Variants in DMXL2 observed in about 807,000 individuals in gnomAD.
The protein encoded by DMXL2 is Dmx like 2.
Under a neutral mutation model 331.1 loss-of-function variants are expected in DMXL2, and 103 were observed. The ratio of observed to expected loss-of-function variants is 0.31; its 90% CI spans 0.27 to 0.37. The LOEUF is 0.37. Ranked by LOEUF, DMXL2 falls within the 10% of genes least tolerant of loss-of-function variation. The pLI is 1.00. For missense variants in DMXL2, 3,171 were observed against 3,642.9 expected, an observed-to-expected ratio of 0.87 and a Z score of 3.33; for synonymous variants, 1,281 against 1,252.1, an observed-to-expected ratio of 1.02 and a Z score of -0.49.
At chr15:51,465,440 A>C (rs1311443251) in intron 31 of DMXL2, 126 bp downstream of exon 31, 2 of 744,450 alleles carry the variant, frequency 2.7e-6, no homozygotes, top group African/African-American at 1.9e-5. Flanking sequence ...AATAAACAAG[A>C]CTTTATAAAA....
rs189787727 is a variant in DMXL2 at position 51,612,204 on chromosome 15, T to C, written c.87+10255A>G. Among the ~76,000 whole-genome samples, 17 of 152,368 alleles carry C rather than the reference T, an allele frequency of 1.1e-4. No individual in the cohort carries two copies. The East Asian group carries it at 2.9e-3, about 26-fold the overall frequency. ...CTTAATTTCACGTACCAATTTAATA[T>C]ACAAGATAAATATTAATCCTACTAC... is the stretch of plus-strand genomic sequence containing the variant. On this transcript the variant is annotated intron_variant, in intron 1 of 43. Coordinates refer to ENST00000560891, the MANE Select transcript of DMXL2 (RefSeq NM_001378457.1).
At chr15:51,620,952 A>T (rs1177044081) in intron 1 of DMXL2, among the ~76,000 whole-genome samples, 1 of 152,218 alleles carries the variant, frequency 6.6e-6, no homozygotes, top group Admixed American at 6.5e-5. Context: ...AGATGGAAGC[A>T]GAAAACTACC....
Position 51,500,197 on chromosome 15 carries a change from G to A in DMXL2, c.3027C>T (p.Cys1009=). Residue 1009 remains cysteine, a synonymous_variant, in exon 18 of 44, where the codon TGC becomes TGT. Transcript: ENST00000560891. The part of the protein sequence containing the change: ...HLSSSSIYPV[C]LAPYLVVTTC... ...TTGTAACCACTAAATAAGGTGCAAG[G>A]CACACTGGATAAATTGAAGAAGAAC... is the stretch of plus-strand genomic sequence containing the variant. 6.2e-7 allele frequency: 1 copy of A among 1,611,638 alleles called. No homozygotes were observed. Among genetic ancestry groups the A allele is most frequent in the Non-Finnish European group, 8.5e-7 (1 of 1,179,088 alleles).
intron 1 of DMXL2, among the ~76,000 whole-genome samples, chr15:51,581,125 G>T (rs1479744115): frequency 6.6e-6 from 1 of 152,162 alleles, no homozygotes; most frequent in East Asian, 1.9e-4. Context: ...CCTCACAGCA[G>T]GAGGTGAGCA....
At chr15:51,453,080 G>A (rs4774590) in intron 41 of DMXL2, among the ~76,000 whole-genome samples, 56,123 of 151,826 alleles carry the variant, frequency 0.37, 10,690 homozygotes, top group East Asian at 0.42. Context: ...GACTCTGGGG[G>A]CTTGGGAGGG....
Position 51,511,614 on chromosome 15 carries a change from T to C in DMXL2, c.2644+2828A>G, listed in dbSNP as rs548103540. On this transcript the variant is annotated intron_variant, in intron 15 of 43. Transcript: ENST00000560891. ...GTGGGAGTATAAATTAGTTCAACCA[T>C]TGTGGAAGACAGTGTGGCAATTCCT... 5.3e-5 allele frequency among the ~76,000 whole-genome samples: 8 copies of C among 152,298 alleles called. No individual in the cohort carries two copies. The South Asian group carries it at 1.7e-3, about 32-fold the overall frequency.
At chr15:51,509,206 C>G (rs74906849) in intron 15 of DMXL2, among the ~76,000 whole-genome samples, 1 of 151,092 alleles carries the variant, frequency 6.6e-6, no homozygotes, top group Admixed American at 6.6e-5. Context: ...AAAAAAAAAA[C>G]TTGCTCTAGA....
chr15:51,544,295 T>C (rs995693285), intron 8 of DMXL2, among the ~76,000 whole-genome samples: 7 of 152,092 alleles, frequency 4.6e-5, no homozygotes, highest in Non-Finnish European at 8.8e-5. Context: ...CTCATAAGAT[T>C]TGGTCATTTA....
intron 17 of DMXL2, among the ~76,000 whole-genome samples, chr15:51,501,246 T>C (rs1567035861): frequency 1.3e-5 from 2 of 152,130 alleles, no homozygotes; most frequent in Admixed American, 6.5e-5. Context: ...ATACTGAATA[T>C]CATTCACCAG....
intron 23 of DMXL2, among the ~76,000 whole-genome samples, chr15:51,485,718 T>A (rs960754951): frequency 2.0e-5 from 3 of 152,110 alleles, no homozygotes; most frequent in Non-Finnish European, 4.4e-5. Flanking sequence ...CTAAATTATT[T>A]AGGATAACAA....
intron 15 of DMXL2, among the ~76,000 whole-genome samples, chr15:51,512,841 G>A (rs921488544): frequency 1.8e-4 from 27 of 151,796 alleles, no homozygotes; most frequent in Middle Eastern, 3.4e-3. Context: ...AATTCGGGGG[G>A]AAAAGGAAAA....
intron 1 of DMXL2, among the ~76,000 whole-genome samples, chr15:51,604,865 A>T (rs1008745930): frequency 1.3e-5 from 2 of 152,234 alleles, no homozygotes; most frequent in Non-Finnish European, 2.9e-5. Flanking sequence ...AATAATCAAG[A>T]CAGTGGTATT....
chr15:51,568,764 T>C (rs1233915563), intron 2 of DMXL2, among the ~76,000 whole-genome samples: 2 of 152,100 alleles, frequency 1.3e-5, no homozygotes, highest in African/African-American at 4.8e-5. Flanking sequence ...ATTTTACATA[T>C]CATATACAAG....
At chr15:51,459,253 C>T (rs78968430) in intron 34 of DMXL2, 1,999 of 187,096 alleles carry the variant, frequency 0.011, 19 homozygotes, top group Non-Finnish European at 0.017. Context: ...AGGGATACTT[C>T]GAAAGGAATA....
chr15:51,490,992 C>A (rs1201587770), intron 20 of DMXL2, among the ~76,000 whole-genome samples: 1 of 152,128 alleles, frequency 6.6e-6, no homozygotes, highest in African/African-American at 2.4e-5. Context: ...TTAGATTTTT[C>A]CATTTTCTTA....
chr15:51,466,246 T>TTCA lies in DMXL2; in HGVS notation c.7455_7457dup (p.Asp2485dup). 1 of 1,575,874 alleles carries TTCA rather than the reference T, an allele frequency of 6.3e-7. No homozygotes were observed. The highest frequency in any genetic ancestry group is 8.6e-7 in the Non-Finnish European group (1 of 1,163,514). ...TATCTGAAAAAAAGGCATCATCTTCTTCATCACTATGAATGCTTTCATCAG... is the reference window on the plus strand; with the variant it reads ...TATCTGAAAAAAAGGCATCATCTTCTTCATCATCACTATGAATGCTTTCATCAG... On this transcript the variant is annotated inframe_insertion, in exon 30 of 44. Coordinates refer to ENST00000560891, the MANE Select transcript of DMXL2 (RefSeq NM_001378457.1).
At chr15:51,605,861 T>C (rs9944241) in intron 1 of DMXL2, among the ~76,000 whole-genome samples, 1,366 of 47,562 alleles carry the variant, frequency 0.029, 165 homozygotes, top group African/African-American at 0.036. Flanking sequence ...ATATTCTTAA[T>C]GAACATAGAT....
chr15:51,546,468 T>C (rs1408201923), intron 7 of DMXL2, among the ~76,000 whole-genome samples: 1 of 152,116 alleles, frequency 6.6e-6, no homozygotes, highest in Non-Finnish European at 1.5e-5. Context: ...CTACAATGTG[T>C]GCTATATTTC....
Position 51,456,131 on chromosome 15 carries a change from C to G in DMXL2, c.8461G>C (p.Val2821Leu). 6.2e-7 allele frequency: 1 copy of G among 1,614,170 alleles called. No homozygotes were observed. Among genetic ancestry groups the G allele is most frequent in the East Asian group, 2.2e-5 (1 of 44,882 alleles). ...GCATTGCCAGCTTGACGAAAGCAGA[C>G]AAGTTGCTGAGGCCGCGTCCATTCA... ...MFEWTRPQQLVCFRQAGNARV... is the reference protein window; with the variant it reads ...MFEWTRPQQLLCFRQAGNARV... The change falls in exon 39 of 44, where the codon GTC becomes CTC. Residue 2821 changes from valine to leucine, a missense_variant. Around this residue, in one of 7 missense-constraint regions of DMXL2, gnomAD observed 766 missense variants for 940.5 expected, o/e 0.81. Coordinates refer to ENST00000560891, the MANE Select transcript of DMXL2 (RefSeq NM_001378457.1).
Sources: gnomAD v4.1 joint callset for allele counts (sites outside exome capture counted in the v4.1 genomes callset) on GRCh38, gnomAD v4.1.1 for gene constraint, gnomAD v4.1.1 regional missense constraint, MANE v1.5 for transcripts, NCBI Gene and HGNC (gene_info 2026-07-23, HGNC 2026-07-21) for gene names.